SLC6A7: variants seen among roughly 807,000 people sequenced by gnomAD.
SLC6A7 encodes solute carrier family 6 member 7, also known as sodium-dependent proline transporter.
SLC6A7 carries 58 observed loss-of-function variants against 73.1 expected under a neutral mutation model. The observed-to-expected ratio is 0.79, with a 90% confidence interval of 0.64 to 0.99. The LOEUF is 0.99. SLC6A7 is among the 50% of genes least tolerant of loss of function. SLC6A7 has a pLI of 0.00. For synonymous variants in SLC6A7, 338 were observed against 338.7 expected (o/e 1.00, Z 0.02); for missense variants, 783 against 831.4 (o/e 0.94, Z 0.72).
intron 10 of SLC6A7, 39 bp from the exon 11 acceptor site, chr5:150,204,493 G>A (rs1299584794): frequency 1.3e-5 from 20 of 1,484,384 alleles, no homozygotes; most frequent in Non-Finnish European, 1.8e-5. Flanking sequence ...AGAGAACGAG[G>A]CCCAGGAAGG....
intron 1 of SLC6A7, among the ~76,000 whole-genome samples, chr5:150,191,564 G>A (rs967424919): frequency 6.6e-6 from 1 of 151,944 alleles, no homozygotes; most frequent in Admixed American, 6.6e-5. Context: ...CCGAGTAGCT[G>A]GGACTATAGG....
intron 13 of SLC6A7, among the ~76,000 whole-genome samples, chr5:150,206,670 C>CCT (rs1448440776): frequency 6.6e-6 from 1 of 152,248 alleles, no homozygotes; most frequent in Admixed American, 6.5e-5. Context: ...TGGAGTCTAG[C>CCT]CTCTGCACTG....
chr5:150,208,778 G>A (rs1184498835), intron 13 of SLC6A7, among the ~76,000 whole-genome samples: 1 of 152,182 alleles, frequency 6.6e-6, no homozygotes, highest in Non-Finnish European at 1.5e-5. Flanking sequence ...AGGAACTCTG[G>A]AATCTCCAGG....
Position 150,203,789 on chromosome 5 carries a change from G to C in SLC6A7, c.1200+10G>C. The C allele has an allele frequency of 6.4e-7, 1 of 1,557,822 alleles. No homozygotes were observed. The highest frequency in any genetic ancestry group is 8.9e-7 in the Non-Finnish European group (1 of 1,129,876). On this transcript the variant is annotated intron_variant, in intron 9 of 13. Transcript: ENST00000230671. ...CGGCCTAGATAGCCAGGTGAGTCTC[G>C]TCTGTGGCAGCAGGCACCCCGTGTG...
intron 13 of SLC6A7, 105 bp from the exon 14 acceptor site, chr5:150,209,301 T>G: frequency 1.1e-6 from 1 of 930,306 alleles, no homozygotes; most frequent in East Asian, 2.5e-5. Flanking sequence ...TGGCCAGGAC[T>G]CCCCCAGTGA....
At chr5:150,191,963 G>A (rs1027086262) in intron 1 of SLC6A7, among the ~76,000 whole-genome samples, 1 of 151,818 alleles carries the variant, frequency 6.6e-6, no homozygotes, top group African/African-American at 2.4e-5. Flanking sequence ...TTATAAATAA[G>A]GCAACTGAGG....
chr5:150,191,575 C>T (rs1050588880), intron 1 of SLC6A7, among the ~76,000 whole-genome samples: 5 of 151,966 alleles, frequency 3.3e-5, no homozygotes, highest in South Asian at 2.1e-4. Flanking sequence ...GGACTATAGG[C>T]GCCCGCCACC....
In SLC6A7 at chr5:150,203,695, A is replaced by C. The variant is rs937574314; in HGVS notation, c.1116A>C (p.Pro372=). ...CTGGCCTGGCCTTTGTCGTCTACCC[A>C]CAGGCCATGACCATGCTGCCTCTGT... is the stretch of plus-strand genomic sequence containing the variant. ...AGPGLAFVVY[P]QAMTMLPLSP... The change falls in exon 9 of 14, where the codon CCA becomes CCC. Residue 372 remains proline (P), a synonymous_variant. Transcript: ENST00000230671. 1 of 1,612,094 alleles carries C rather than the reference A, an allele frequency of 6.2e-7. No homozygotes were observed. The highest frequency in any genetic ancestry group is 1.1e-5 in the South Asian group (1 of 91,022).
intron 8 of SLC6A7, among the ~76,000 whole-genome samples, chr5:150,203,126 C>T (rs1753480938): frequency 6.6e-6 from 1 of 151,112 alleles, no homozygotes; most frequent in Non-Finnish European, 1.5e-5. Context: ...TGCATATGCA[C>T]ACATGTACGT....
At chr5:150,198,119 A>G (rs71584086) in intron 4 of SLC6A7, among the ~76,000 whole-genome samples, 14 of 50,394 alleles carry the variant, frequency 2.8e-4, no homozygotes, top group South Asian at 1.6e-3. Flanking sequence ...AAGAAAGAGA[A>G]AGAAAGAAAG....
chr5:150,193,405 A>C (rs1752871862), intron 1 of SLC6A7, among the ~76,000 whole-genome samples: 1 of 152,168 alleles, frequency 6.6e-6, no homozygotes. Flanking sequence ...CGGCTTAAGT[A>C]CCTTCTTCCT....
rs1185921373 is a variant in SLC6A7, at chr5:150,190,320, T to G, written c.-8T>G. ...GGGCAGCTGAGCCCCGGCCACCCGC[T>G]CTCCAAGATGAAGAAGCTCCAGGGA... On this transcript the variant is annotated 5_prime_UTR_variant, in exon 1 of 14. Coordinates refer to ENST00000230671, the MANE Select transcript of SLC6A7 (RefSeq NM_014228.5). The G allele has an allele frequency of 4.1e-5, 62 of 1,511,080 alleles. No individual in the cohort carries two copies. Among genetic ancestry groups the G allele is most frequent in the Non-Finnish European group, 5.3e-5 (60 of 1,130,812 alleles). 93.6% of individuals were successfully genotyped at this position (1,511,080 alleles called of 1,614,324 possible).
At chr5:150,207,536 T>C (rs1753762265) in intron 13 of SLC6A7, among the ~76,000 whole-genome samples, 2 of 152,138 alleles carry the variant, frequency 1.3e-5, no homozygotes, top group African/African-American at 4.8e-5. Flanking sequence ...GTCTTTAAAA[T>C]GGAGAGAGTG....
rs1352891583 is a variant in SLC6A7 at position 150,209,423 on chromosome 5, C to A, written c.1719C>A (p.Ser573Arg). ...GSLWERLQQASRPAMDWGPSL... is the reference protein window; with the variant it reads ...GSLWERLQQARRPAMDWGPSL... ...TGCTGCAGCGGCTCCAACAGGCCAG[C>A]CGGCCGGCCATGGACTGGGGACCAT... The change falls in exon 14 of 14, where the codon AGC (serine) becomes AGA (arginine). Residue 573 changes from serine (S) to arginine (R), a missense_variant. Physicochemically the swap from Ser to Arg is moderately radical, Grantham distance 110 (BLOSUM62 -1). Coordinates refer to ENST00000230671, the MANE Select transcript of SLC6A7 (RefSeq NM_014228.5). The A allele has an allele frequency of 1.9e-6, 3 of 1,613,444 alleles. No homozygotes were observed. Among genetic ancestry groups the A allele is most frequent in the Non-Finnish European group, 2.5e-6 (3 of 1,179,962 alleles).
In SLC6A7 at chr5:150,204,570, C is replaced by T. The variant is rs370172070; in HGVS notation, c.1371C>T (p.Ser457=). The T allele has an allele frequency of 7.6e-5, 123 of 1,614,112 alleles. No individual in the cohort carries two copies. Among genetic ancestry groups the T allele is most frequent in the Non-Finnish European group, 9.8e-5 (116 of 1,179,932 alleles). Residue 457 remains serine, a synonymous_variant, in exon 11 of 14, where the codon AGC becomes AGT. Coordinates refer to ENST00000230671, the MANE Select transcript of SLC6A7 (RefSeq NM_014228.5). The part of the protein sequence containing the change: ...MYWLVLLDDY[S]ASFGLMVVVI... ...GGCTGGTCCTTCTGGATGACTACAG[C>T]GCCAGCTTCGGGCTGATGGTGGTGG... is the stretch of plus-strand genomic sequence containing the variant.
At chr5:150,209,332 G>T in intron 13 of SLC6A7, 74 bp from the exon 14 acceptor site, 1 of 1,249,660 alleles carries the variant, frequency 8.0e-7, no homozygotes, top group Non-Finnish European at 1.2e-6. Flanking sequence ...TGTTTGCTGG[G>T]TGTCTGGCCA....
chr5:150,205,427 C>A, intron 12 of SLC6A7, 29 bp from the exon 13 acceptor site: 1 of 1,563,118 alleles, frequency 6.4e-7, no homozygotes, highest in Non-Finnish European at 8.7e-7. Context: ...CAAAAGCCCG[C>A]AGTGATGCTG....
intron 13 of SLC6A7, 87 bp downstream of exon 13, chr5:150,205,710 C>T (rs989967238): frequency 1.7e-6 from 2 of 1,175,946 alleles, no homozygotes; most frequent in Non-Finnish European, 1.2e-6. Context: ...AACATATGCA[C>T]CCACCCCTTA....
intron 4 of SLC6A7, among the ~76,000 whole-genome samples, chr5:150,198,985 G>A (rs1193478283): frequency 6.6e-6 from 1 of 152,054 alleles, no homozygotes; most frequent in East Asian, 1.9e-4. Flanking sequence ...GAAGAGGAAG[G>A]GTGGTCTCGA....
Sources: allele counts gnomAD v4.1 joint callset (sites outside exome capture counted in the v4.1 genomes callset), GRCh38; gene constraint gnomAD v4.1.1; transcripts MANE v1.5; gene names NCBI Gene and HGNC (gene_info 2026-07-23, HGNC 2026-07-21).